The following HS3ST4 variants were observed in gnomAD, a reference collection of about 807,000 sequenced individuals.
The protein encoded by HS3ST4 is heparan sulfate-glucosamine 3-sulfotransferase 4, also known as heparan sulfate glucosamine 3-O-sulfotransferase 4.
Under a neutral mutation model 29.2 loss-of-function variants are expected in HS3ST4, and 17 were observed. The observed-to-expected ratio is 0.58, with a 90% CI of 0.40 to 0.87. HS3ST4 has a LOEUF of 0.87. Ranked by LOEUF, HS3ST4 falls within the 40% of genes least tolerant of loss-of-function variation. The pLI is 0.00. For missense variants in HS3ST4, 627 were observed against 634.5 expected, an observed-to-expected ratio of 0.99 and a Z score of 0.13; for synonymous variants, 314 against 285.7, an observed-to-expected ratio of 1.10 and a Z score of -1.00.
chr16:25,886,083 A>T (rs1342196808), intron 1 of HS3ST4, among the ~76,000 whole-genome samples: 1 of 113,182 alleles, frequency 8.8e-6, no homozygotes, highest in Non-Finnish European at 1.6e-5. Context: ...CCCAGGCTGG[A>T]GTGCAGGGGC....
intron 1 of HS3ST4, among the ~76,000 whole-genome samples, chr16:25,836,235 A>G (rs1294342068): frequency 6.6e-6 from 1 of 152,026 alleles, no homozygotes. Context: ...CTTCTTTTGG[A>G]CCCCTACCCA....
At chr16:25,886,158 G>T (rs529358550) in intron 1 of HS3ST4, among the ~76,000 whole-genome samples, 2 of 149,582 alleles carry the variant, frequency 1.3e-5, no homozygotes, top group Admixed American at 6.7e-5. Flanking sequence ...TCAGCCTCCT[G>T]AGTAGCTAGG....
At chr16:25,719,825 A>G (rs1030561429) in intron 1 of HS3ST4, among the ~76,000 whole-genome samples, 1 of 152,170 alleles carries the variant, frequency 6.6e-6, no homozygotes, top group Non-Finnish European at 1.5e-5. Context: ...TTATCATATT[A>G]TCCATTTATT....
intron 1 of HS3ST4, among the ~76,000 whole-genome samples, chr16:25,771,041 T>C (rs972265178): frequency 1.4e-4 from 21 of 151,998 alleles, no homozygotes; most frequent in African/African-American, 4.8e-4. Context: ...GTTACGTAGG[T>C]ATACACGTGC....
chr16:26,134,678 A>C (rs1898257328), intron 1 of HS3ST4, among the ~76,000 whole-genome samples: 5 of 152,194 alleles, frequency 3.3e-5, no homozygotes, highest in African/African-American at 1.2e-4. Flanking sequence ...ATAAGGCTCG[A>C]AGATATAATT....
intron 1 of HS3ST4, among the ~76,000 whole-genome samples, chr16:26,016,547 G>T (rs888022696): frequency 6.6e-6 from 1 of 152,096 alleles, no homozygotes; most frequent in African/African-American, 2.4e-5. Flanking sequence ...CTCAGACTTA[G>T]GCCCTTCATC....
chr16:26,042,499 C>T (rs1323053318), intron 1 of HS3ST4, among the ~76,000 whole-genome samples: 1 of 152,094 alleles, frequency 6.6e-6, no homozygotes, highest in Non-Finnish European at 1.5e-5. Context: ...CTCTGTTGTC[C>T]ACATCTAATA....
At chr16:26,037,861 G>A (rs1969597261) in intron 1 of HS3ST4, among the ~76,000 whole-genome samples, 1 of 152,076 alleles carries the variant, frequency 6.6e-6, no homozygotes, top group African/African-American at 2.4e-5. Flanking sequence ...TGGTGAGCTG[G>A]CCCCCATGTG....
intron 1 of HS3ST4, among the ~76,000 whole-genome samples, chr16:25,743,412 T>A (rs1361509943): frequency 6.6e-6 from 1 of 152,220 alleles, no homozygotes; most frequent in Non-Finnish European, 1.5e-5. Context: ...AGGTATTTAT[T>A]TTGGGAACAA....
intron 1 of HS3ST4, among the ~76,000 whole-genome samples, chr16:26,044,043 T>C (rs546936269): frequency 2.0e-4 from 30 of 152,302 alleles, no homozygotes; most frequent in African/African-American, 7.2e-4. Context: ...GTTTGACAAA[T>C]AGCCACAAAT....
Position 25,850,369 on chromosome 16 carries a change from G to A in HS3ST4, c.734+157218G>A, listed in dbSNP as rs190876431. 9.7e-4 allele frequency among the ~76,000 whole-genome samples: 147 copies of A among 152,098 alleles called. 1 individual carries two copies. Among genetic ancestry groups the A allele is most frequent in the African/African-American group, 3.4e-3 (142 of 41,478 alleles). On this transcript the variant is annotated intron_variant, in intron 1 of 1. Coordinates refer to ENST00000331351, the MANE Select transcript of HS3ST4 (RefSeq NM_006040.3). ...TGGGAAAAAACCCCACATCCATCTC[G>A]ACTGCCTTCAAAAACTCTACCCAGT...
At chr16:26,134,355 TTCTTTTC>T (rs1478415609) in intron 1 of HS3ST4, among the ~76,000 whole-genome samples, 14 of 108,808 alleles carry the variant, frequency 1.3e-4, no homozygotes, top group Non-Finnish European at 2.1e-4. Flanking sequence ...TTCTTTTCTT[TTCTTTTC>T]TTTTTTTTTT....
At chr16:25,889,823 G>C (rs142264146) in intron 1 of HS3ST4, among the ~76,000 whole-genome samples, 1 of 152,108 alleles carries the variant, frequency 6.6e-6, no homozygotes, top group African/African-American at 2.4e-5. Context: ...AATCATTGGG[G>C]TGGGGTTTTC....
At chr16:25,802,644 A>G (rs191258752) in intron 1 of HS3ST4, among the ~76,000 whole-genome samples, 60 of 152,236 alleles carry the variant, frequency 3.9e-4, no homozygotes, top group African/African-American at 1.4e-3. Context: ...AATTTTATTT[A>G]ATAATATTAC....
intron 1 of HS3ST4, among the ~76,000 whole-genome samples, chr16:26,105,833 T>C (rs1899048666): frequency 6.6e-6 from 1 of 152,270 alleles, no homozygotes; most frequent in South Asian, 2.1e-4. Context: ...TTAAAATCAC[T>C]GCAGTGTGCA....
At chr16:25,902,481 A>G (rs941161860) in intron 1 of HS3ST4, among the ~76,000 whole-genome samples, 1 of 151,516 alleles carries the variant, frequency 6.6e-6, no homozygotes, top group Non-Finnish European at 1.5e-5. Context: ...GTGAGATCCT[A>G]TCTCAAAAAA....
At chr16:25,907,990 C>T (rs147339200) in intron 1 of HS3ST4, among the ~76,000 whole-genome samples, 32 of 152,248 alleles carry the variant, frequency 2.1e-4, no homozygotes, top group African/African-American at 6.7e-4. Context: ...TAGAGACACA[C>T]GGAACAGATT....
chr16:25,773,774 T>G (rs1966845000), intron 1 of HS3ST4, among the ~76,000 whole-genome samples: 1 of 152,224 alleles, frequency 6.6e-6, no homozygotes, highest in Non-Finnish European at 1.5e-5. Flanking sequence ...ACCCAATAGG[T>G]AATTTTTCAT....
intron 1 of HS3ST4, among the ~76,000 whole-genome samples, chr16:25,919,204 T>A (rs1968322490): frequency 1.3e-5 from 2 of 152,134 alleles, no homozygotes; most frequent in African/African-American, 4.8e-5. Flanking sequence ...ATTTTAAAAT[T>A]TTTTTTTGTA....
Sources: allele counts gnomAD v4.1 joint callset (sites outside exome capture counted in the v4.1 genomes callset), GRCh38; gene constraint gnomAD v4.1.1; transcripts MANE v1.5; gene names NCBI Gene and HGNC (gene_info 2026-07-23, HGNC 2026-07-21).